MRPL47: variants seen among roughly 807,000 people sequenced by gnomAD.
The protein encoded by MRPL47 is mitochondrial ribosomal protein L47, also known as large ribosomal subunit protein uL29m.
Under a neutral mutation model 34.0 loss-of-function variants are expected in MRPL47, and 31 were observed. The observed-to-expected ratio is 0.91, with a 90% CI of 0.68 to 1.23. MRPL47 has a LOEUF of 1.23. MRPL47 is among the 50% of genes most tolerant of loss of function. The pLI, the probability that MRPL47 is intolerant of heterozygous loss-of-function variation, is 0.00. For missense variants in MRPL47, 328 were observed against 285.8 expected (o/e 1.15, Z -1.07); for synonymous variants, 106 against 101.6 (o/e 1.04, Z -0.26).
At chr3:179,590,708 A>G (rs1204000999) in intron 6 of MRPL47, among the ~76,000 whole-genome samples, 2 of 152,124 alleles carry the variant, frequency 1.3e-5, no homozygotes, top group East Asian at 3.9e-4. Flanking sequence ...AAAAAAAAAA[A>G]AAAAAGTCTT....
chr3:179,597,798 A>C (rs1718821939), intron 4 of MRPL47, among the ~76,000 whole-genome samples: 2 of 151,974 alleles, frequency 1.3e-5, no homozygotes, highest in South Asian at 4.2e-4. Flanking sequence ...ACAAGAGCAA[A>C]ACTCCGTCTC....
At position 179,601,740 on chromosome 3, in the gene MRPL47, G is replaced by A. The variant is rs772376694; in HGVS notation, c.295C>T (p.His99Tyr). The change falls in exon 3 of 7, where the codon CAC (histidine) becomes TAC (tyrosine). Residue 99 changes from histidine (H) to tyrosine (Y), a missense_variant. Physicochemically the swap from His to Tyr is moderately conservative, Grantham distance 83. Transcript: ENST00000476781. ...ACTTAGTATACTTACCAAAGTTTGT[G>A]TAAATCTTCATTACTTTTGTTCCTT... is the stretch of plus-strand genomic sequence containing the variant. ...QLRNKSNEDLHKLWYVLLKER... is the reference protein window; with the variant it reads ...QLRNKSNEDLYKLWYVLLKER... 1.9e-6 allele frequency: 3 copies of A among 1,603,646 alleles called. No homozygotes were observed. In the South Asian group the frequency reaches 3.3e-5, roughly 18 times the overall value.
chr3:179,597,422 G>T (rs1718813041), intron 4 of MRPL47, among the ~76,000 whole-genome samples: 1 of 152,150 alleles, frequency 6.6e-6, no homozygotes, highest in South Asian at 2.1e-4. Flanking sequence ...TATAAAAACT[G>T]AGTTCTGTTC....
chr3:179,598,804 T>C, intron 3 of MRPL47, 33 bp from the exon 4 acceptor site: 1 of 1,395,786 alleles, frequency 7.2e-7, no homozygotes. Context: ...TGTGATGCTA[T>C]TCTGTGGTTA....
intron 6 of MRPL47, among the ~76,000 whole-genome samples, chr3:179,589,562 C>G (rs145650261): frequency 6.6e-6 from 1 of 152,084 alleles, no homozygotes; most frequent in Admixed American, 6.5e-5. Flanking sequence ...GAAAAAAATC[C>G]TTGCATACCA....
At chr3:179,592,005 G>C (rs1410738262) in intron 6 of MRPL47, among the ~76,000 whole-genome samples, 2 of 151,918 alleles carry the variant, frequency 1.3e-5, no homozygotes, top group African/African-American at 2.4e-5. Flanking sequence ...GCTAATTTTT[G>C]TATTTTTAGT....
intron 4 of MRPL47, among the ~76,000 whole-genome samples, chr3:179,595,631 G>GT (rs1718773418): frequency 6.6e-6 from 1 of 152,212 alleles, no homozygotes; most frequent in Non-Finnish European, 1.5e-5. Context: ...CTAAGCAAGG[G>GT]TAAGACTTGA....
At chr3:179,591,889 G>A (rs1276286165) in intron 6 of MRPL47, among the ~76,000 whole-genome samples, 1 of 152,024 alleles carries the variant, frequency 6.6e-6, no homozygotes, top group Non-Finnish European at 1.5e-5. Context: ...CTGGAGTGCA[G>A]TGGTGCAATC....
intron 6 of MRPL47, among the ~76,000 whole-genome samples, chr3:179,590,308 T>C (rs1016860538): frequency 4.0e-5 from 6 of 150,818 alleles, no homozygotes; most frequent in East Asian, 1.9e-4. Context: ...CACTGCACTC[T>C]AGCCTGGCAA....
At chr3:179,589,389 T>G (rs1718614273) in intron 6 of MRPL47, among the ~76,000 whole-genome samples, 1 of 152,236 alleles carries the variant, frequency 6.6e-6, no homozygotes, top group Non-Finnish European at 1.5e-5. Context: ...ATATCTCTCA[T>G]GATGCCAAAA....
chr3:179,590,037 A>G (rs1183102702), intron 6 of MRPL47, among the ~76,000 whole-genome samples: 2 of 152,188 alleles, frequency 1.3e-5, no homozygotes, highest in Non-Finnish European at 2.9e-5. Context: ...ACATTCTCAT[A>G]CATTATTTTA....
At chr3:179,598,794 T>C (rs1285555573) in intron 3 of MRPL47, 23 bp from the exon 4 acceptor site, 2 of 1,433,448 alleles carry the variant, frequency 1.4e-6, no homozygotes, top group Non-Finnish European at 2.0e-6. Flanking sequence ...ACACAAACCT[T>C]GTGATGCTAT....
intron 5 of MRPL47, among the ~76,000 whole-genome samples, chr3:179,593,008 C>T (rs1318409431): frequency 2.0e-5 from 3 of 152,124 alleles, no homozygotes; most frequent in Non-Finnish European, 4.4e-5. Flanking sequence ...ATTCTGCCTA[C>T]GTTTAAAAGT....
At chr3:179,594,979 C>T (rs561910628) in intron 4 of MRPL47, among the ~76,000 whole-genome samples, 2 of 152,092 alleles carry the variant, frequency 1.3e-5, no homozygotes, top group Non-Finnish European at 2.9e-5. Flanking sequence ...ATTATAATCC[C>T]CCAGGTAGCT....
At position 179,588,303 on chromosome 3, in the gene MRPL47, A is replaced by T. The variant is rs1243140243; in HGVS notation, c.*569T>A. The T allele has an allele frequency of 7.2e-6, 2 of 276,454 alleles. No individual in the cohort carries two copies. Among genetic ancestry groups the T allele is most frequent in the South Asian group, 1.8e-4 (2 of 11,340 alleles). The allele number at this position is 276,454 out of a possible 1,614,324, so 17.1% of individuals were successfully genotyped here. On this transcript the variant is annotated 3_prime_UTR_variant, in exon 7 of 7. Transcript: ENST00000476781. ...AACTCTGTTTAGTGTATTAATTACC[A>T]GTGGATTGGTAGAACTGCTTTTTAT...
chr3:179,589,080 C>T (rs755317093), intron 6 of MRPL47, 85 bp from the exon 7 acceptor site: 17 of 1,334,302 alleles, frequency 1.3e-5, no homozygotes, highest in African/African-American at 4.4e-5. Context: ...AAATCAATTA[C>T]ATCAAAGCTT....
rs774485147 is a variant in MRPL47 at position 179,588,833 on chromosome 3, C to T, written c.*39G>A. 1.9e-6 allele frequency: 3 copies of T among 1,596,586 alleles called. No individual in the cohort carries two copies. The highest frequency in any genetic ancestry group is 2.6e-6 in the Non-Finnish European group (3 of 1,171,160). ...TATTTACTCCTGTACACAGACTATT[C>T]AAGAAAAACAAAATGGTAAATTTAA... On this transcript the variant is annotated 3_prime_UTR_variant, in exon 7 of 7. Coordinates refer to ENST00000476781, the MANE Select transcript of MRPL47 (RefSeq NM_020409.3).
chr3:179,600,120 CAA>C (rs550421747), intron 3 of MRPL47, among the ~76,000 whole-genome samples: 2 of 90,370 alleles, frequency 2.2e-5, no homozygotes. Flanking sequence ...GACTTTGTCT[CAA>C]AAAAAAAAAA....
chr3:179,591,609 GACA>G (rs527400244), intron 6 of MRPL47, among the ~76,000 whole-genome samples: 163 of 152,268 alleles, frequency 1.1e-3, no homozygotes, highest in Non-Finnish European at 1.9e-3. Flanking sequence ...CATTCTGCAG[GACA>G]ACATGAGTTT....
Sources: gnomAD v4.1 joint callset for allele counts (sites outside exome capture counted in the v4.1 genomes callset) on GRCh38, gnomAD v4.1.1 for gene constraint, MANE v1.5 for transcripts, NCBI Gene and HGNC (gene_info 2026-07-23, HGNC 2026-07-21) for gene names.